SPOCK3: variants seen among roughly 807,000 people sequenced by gnomAD.
SPOCK3 encodes the protein SPARC (osteonectin), cwcv and kazal like domains proteoglycan 3, also known as testican-3.
Under a neutral mutation model 56.6 loss-of-function variants are expected in SPOCK3, and 30 were observed. The observed-to-expected ratio is 0.53, with a 90% CI of 0.40 to 0.72. The LOEUF is 0.72. Ranked by LOEUF, SPOCK3 falls within the 30% of genes least tolerant of loss-of-function variation. The probability of loss-of-function intolerance (pLI) is 0.00; values close to 1 mark genes in which losing one functional copy is unlikely to be tolerated. For synonymous variants in SPOCK3, 196 were observed against 183.3 expected (o/e 1.07, Z -0.56); for missense variants, 527 against 530.0 (o/e 0.99, Z 0.06).
rs1251371101 is a variant in SPOCK3 at position 167,139,491 on chromosome 4, A to G, written c.190-76954T>C. ...CAATCTGAATGTTATGCTAGTATGAAATAGAAACACATGAACTAATAGAGC... is the reference window on the plus strand; with the variant it reads ...CAATCTGAATGTTATGCTAGTATGAGATAGAAACACATGAACTAATAGAGC... On this transcript the variant is annotated intron_variant, in intron 2 of 10. Coordinates refer to ENST00000357545, the MANE Select transcript of SPOCK3 (RefSeq NM_001040159.2). Among the ~76,000 whole-genome samples, 14 of 152,054 alleles carry G rather than the reference A, an allele frequency of 9.2e-5. 1 individual carries two copies. The highest frequency in any genetic ancestry group is 9.2e-4 in the Admixed American group (14 of 15,222).
At chr4:167,114,922 A>G (rs1761202580) in intron 2 of SPOCK3, among the ~76,000 whole-genome samples, 1 of 125,582 alleles carries the variant, frequency 8.0e-6, no homozygotes, top group South Asian at 2.4e-4. Flanking sequence ...GGACTAAGAG[A>G]AAAAAAAACA....
At chr4:167,021,722 A>G (rs1751199220) in intron 3 of SPOCK3, among the ~76,000 whole-genome samples, 1 of 151,992 alleles carries the variant, frequency 6.6e-6, no homozygotes, top group Non-Finnish European at 1.5e-5. Flanking sequence ...TATACAAAAA[A>G]AAGGTCAAAC....
At chr4:166,806,962 A>G (rs1419307627) in intron 6 of SPOCK3, among the ~76,000 whole-genome samples, 1 of 151,922 alleles carries the variant, frequency 6.6e-6, no homozygotes, top group Non-Finnish European at 1.5e-5. Context: ...ACAATAACTA[A>G]TATAAAAATA....
chr4:166,929,869 AT>A (rs1739535741), intron 4 of SPOCK3, among the ~76,000 whole-genome samples: 1 of 152,154 alleles, frequency 6.6e-6, no homozygotes, highest in African/African-American at 2.4e-5. Flanking sequence ...AATTTTAAAC[AT>A]TTGATTATAT....
In SPOCK3 at chr4:166,985,979, CA is replaced by C. The variant is rs1159740301; in HGVS notation, c.350+14369del. Among the ~76,000 whole-genome samples the C allele has an allele frequency of 3.3e-5, 5 of 152,116 alleles. No homozygotes were observed. The South Asian group carries it at 6.2e-4, about 19-fold the overall frequency. Reference sequence around the variant, plus strand: ...CATATCTTTCCCCTTTTTAGTGTGTCAAAATATATAAAATTCTGAATCACAG... The same window carrying C: ...CATATCTTTCCCCTTTTTAGTGTGTCAAATATATAAAATTCTGAATCACAG... On this transcript the variant is annotated intron_variant, in intron 4 of 10. Coordinates refer to ENST00000357545, the MANE Select transcript of SPOCK3 (RefSeq NM_001040159.2).
rs1560926671 is a variant in SPOCK3, at chr4:166,847,663, A to ATATATATATATATATATATATC, written c.589+41466_589+41467insGATATATATATATATATATATA. 4.2e-4 allele frequency among the ~76,000 whole-genome samples: 41 copies of ATATATATATATATATATATATC among 98,336 alleles called. 1 individual carries two copies. In the East Asian group the frequency reaches 0.017, roughly 40 times the overall value. 64.5% of individuals were successfully genotyped at this position (98,336 alleles called of 152,430 possible). A position where few individuals can be genotyped will look rare whatever the true frequency, so the allele number is the denominator to read the frequency against. ...AATCCTAGTTTATATATATATATAT[A>ATATATATATATATATATATATC]TATATATATATATATATAAGAATCA... On this transcript the variant is annotated intron_variant, in intron 6 of 10. Coordinates refer to ENST00000357545, the MANE Select transcript of SPOCK3 (RefSeq NM_001040159.2).
chr4:166,925,174 A>G (rs775058402), intron 4 of SPOCK3, among the ~76,000 whole-genome samples: 13 of 152,216 alleles, frequency 8.5e-5, no homozygotes, highest in Non-Finnish European at 1.3e-4. Flanking sequence ...TATTCTAATA[A>G]AACATTTGTA....
At chr4:167,134,910 T>A (rs1209383428) in intron 2 of SPOCK3, among the ~76,000 whole-genome samples, 1 of 151,994 alleles carries the variant, frequency 6.6e-6, no homozygotes, top group Non-Finnish European at 1.5e-5. Context: ...GTTTTCTTAG[T>A]GCATTGGTCA....
chr4:166,957,359 T>C (rs1743614785), intron 4 of SPOCK3, among the ~76,000 whole-genome samples: 2 of 152,248 alleles, frequency 1.3e-5, no homozygotes, highest in Non-Finnish European at 2.9e-5. Flanking sequence ...AACTCATGCA[T>C]TATTTTCCTG....
At chr4:166,742,783 C>T (rs1735030567) in intron 8 of SPOCK3, among the ~76,000 whole-genome samples, 2 of 152,006 alleles carry the variant, frequency 1.3e-5, no homozygotes, top group Admixed American at 6.6e-5. Context: ...CAAACTCAAC[C>T]ACTTGAAGGA....
At position 166,754,502 on chromosome 4, in the gene SPOCK3, T is replaced by C; in HGVS notation, c.931+6A>G. 6.2e-7 allele frequency: 1 copy of C among 1,611,418 alleles called. No individual in the cohort carries two copies. The highest frequency in any genetic ancestry group is 1.1e-5 in the South Asian group (1 of 90,882). Reference sequence around the variant, plus strand: ...TATTTGCGTCTGTAAGGGTCTCATCTTTTACCTTGCTGTCTCTGGAAGCAG... The same window carrying C: ...TATTTGCGTCTGTAAGGGTCTCATCCTTTACCTTGCTGTCTCTGGAAGCAG... On this transcript the variant is annotated splice_donor_region_variant and intron_variant, in intron 8 of 10. Transcript: ENST00000357545.
intron 6 of SPOCK3, among the ~76,000 whole-genome samples, chr4:166,842,753 A>C (rs911570808): frequency 1.3e-5 from 2 of 152,286 alleles, no homozygotes; most frequent in Admixed American, 1.3e-4. Flanking sequence ...TCCCCACCTG[A>C]CTCAGGAGCC....
At chr4:166,939,752 A>T (rs1369110710) in intron 4 of SPOCK3, among the ~76,000 whole-genome samples, 2 of 152,224 alleles carry the variant, frequency 1.3e-5, no homozygotes, top group Non-Finnish European at 2.9e-5. Context: ...CAGAGTCTTG[A>T]TCATAACACT....
At chr4:167,107,844 A>AT (rs1760304704) in intron 2 of SPOCK3, among the ~76,000 whole-genome samples, 1 of 151,918 alleles carries the variant, frequency 6.6e-6, no homozygotes, top group Non-Finnish European at 1.5e-5. Context: ...CCCATTTAAA[A>AT]TAGCCACACA....
chr4:166,796,314 T>A (rs1196251022), intron 6 of SPOCK3, among the ~76,000 whole-genome samples: 1 of 152,166 alleles, frequency 6.6e-6, no homozygotes, highest in East Asian at 1.9e-4. Context: ...TAATTATGAT[T>A]ATGTTATACA....
intron 2 of SPOCK3, among the ~76,000 whole-genome samples, chr4:167,121,534 G>A (rs2150364542): frequency 6.6e-6 from 1 of 152,018 alleles, no homozygotes; most frequent in South Asian, 2.1e-4. Context: ...TAAATCAAGT[G>A]ATAGGAAGCA....
At chr4:167,082,897 G>A (rs1227114200) in intron 2 of SPOCK3, among the ~76,000 whole-genome samples, 8 of 151,540 alleles carry the variant, frequency 5.3e-5, no homozygotes, top group Non-Finnish European at 1.5e-5. Flanking sequence ...ATGAGAGAGA[G>A]AGAAAGAGAG....
In SPOCK3 at chr4:166,734,995, C is replaced by T. The variant is rs1164481733; in HGVS notation, c.1228G>A (p.Asp410Asn). Residue 410 changes from aspartate to asparagine, a missense_variant, in exon 11 of 11, where the codon GAT (aspartate) becomes AAT (asparagine). Asp to Asn is a conservative substitution (Grantham distance 23). Transcript: ENST00000357545. ...DDEDDIMNDE[D>N]EIEDDDEDEG... ...TCTTCATCATCATCTTCAATTTCAT[C>T]TTCATCATTCATAATATCGTCTTCA... 1 of 1,543,980 alleles carries T rather than the reference C, an allele frequency of 6.5e-7. No homozygotes were observed. The highest frequency in any genetic ancestry group is 2.3e-5 in the East Asian group (1 of 44,380).
chr4:167,096,545 C>T (rs983168502), intron 2 of SPOCK3, among the ~76,000 whole-genome samples: 1 of 151,674 alleles, frequency 6.6e-6, no homozygotes, highest in African/African-American at 2.4e-5. Context: ...TCTTTAGTCC[C>T]TCAATATTTG....
Sources: gnomAD v4.1 joint callset for allele counts (sites outside exome capture counted in the v4.1 genomes callset) on GRCh38, gnomAD v4.1.1 for gene constraint, MANE v1.5 for transcripts, NCBI Gene and HGNC (gene_info 2026-07-23, HGNC 2026-07-21) for gene names.